HGF: variants seen among roughly 807,000 people sequenced by gnomAD.
HGF encodes the protein fibroblast-derived tumor cytotoxic factor.
A neutral mutation model predicts 111.6 loss-of-function variants in HGF; 39 were observed. That is an observed-to-expected ratio of 0.35 (90% CI 0.27 to 0.46). HGF has a LOEUF of 0.46. HGF is among the 20% of genes least tolerant of loss of function. The pLI is 1.00. For synonymous variants in HGF, 285 were observed against 294.8 expected, an observed-to-expected ratio of 0.97 and a Z score of 0.34; for missense variants, 735 against 910.5, an observed-to-expected ratio of 0.81 and a Z score of 2.48.
intron 3 of HGF, 128 bp downstream of exon 3, chr7:81,758,564 T>A (rs372881499): frequency 1.5e-6 from 1 of 664,196 alleles, no homozygotes; most frequent in Non-Finnish European, 2.7e-6. Context: ...AATGGATGAA[T>A]TGACTACATA....
Position 81,710,179 on chromosome 7 carries a change from T to C in HGF, c.1509A>G (p.Thr503=). The C allele has an allele frequency of 6.2e-7, 1 of 1,613,074 alleles. No homozygotes were observed. The highest frequency in any genetic ancestry group is 8.5e-7 in the Non-Finnish European group (1 of 1,179,092). ...TCAAACTAACCATCCATCCTATGTT[T>C]GTTCGTGTTGGAATCCCATTTACAA... is the stretch of plus-strand genomic sequence containing the variant. ...LRVVNGIPTR[T]NIGWMVSLRY... is the part of the protein sequence containing the mutation. Residue 503 remains threonine, a synonymous_variant, in exon 13 of 18, where the codon ACA becomes ACG. Transcript: ENST00000222390.
intron 11 of HGF, 28 bp downstream of exon 11, chr7:81,717,204 C>G: frequency 1.9e-6 from 3 of 1,607,256 alleles, no homozygotes; most frequent in Non-Finnish European, 1.7e-6. Flanking sequence ...AAATATTTCA[C>G]AAGACACCAA....
intron 7 of HGF, chr7:81,742,608 A>G (rs1788049343): frequency 1.3e-6 from 1 of 750,554 alleles, no homozygotes; most frequent in Non-Finnish European, 1.7e-6. Flanking sequence ...ATTATGTAAT[A>G]TTGTTTAAGA....
intron 1 of HGF, among the ~76,000 whole-genome samples, chr7:81,769,359 T>C (rs1162903975): frequency 6.6e-6 from 1 of 152,214 alleles, no homozygotes; most frequent in Non-Finnish European, 1.5e-5. Flanking sequence ...TTCATTTTTA[T>C]GATATGCAAA....
intron 7 of HGF, among the ~76,000 whole-genome samples, chr7:81,733,899 C>T (rs566453058): frequency 2.6e-5 from 4 of 152,086 alleles, no homozygotes; most frequent in African/African-American, 9.7e-5. Flanking sequence ...CCTCCTGCAG[C>T]CCTGCTGTAT....
rs1554363911 is a variant in HGF at position 81,711,522 on chromosome 7, G to A, written c.1406-3C>T. The A allele has an allele frequency of 1.5e-6, 2 of 1,361,144 alleles. No homozygotes were observed. The highest frequency in any genetic ancestry group is 2.1e-6 in the Non-Finnish European group (2 of 964,270). 84.3% of individuals were successfully genotyped at this position (1,361,144 alleles called of 1,614,324 possible). A position where few individuals can be genotyped will look rare whatever the true frequency, so the allele number is the denominator to read the frequency against. The stretch of plus-strand genomic sequence containing the variant: ...TGTAGGTGTGGTATCACCTTCACCT[G>A]TAAAAATAAATGTATAGATAAATAC... On this transcript the variant is annotated splice_region_variant and splice_polypyrimidine_tract_variant and intron_variant, in intron 11 of 17. Transcript: ENST00000222390.
intron 1 of HGF, among the ~76,000 whole-genome samples, chr7:81,763,685 C>T (rs141118170): frequency 2.6e-5 from 4 of 152,148 alleles, no homozygotes; most frequent in Admixed American, 2.6e-4. Flanking sequence ...TCAATTTGCC[C>T]AAAATAGCCC....
intron 12 of HGF, among the ~76,000 whole-genome samples, chr7:81,711,194 T>C (rs1789561689): frequency 6.6e-6 from 1 of 152,198 alleles, no homozygotes; most frequent in African/African-American, 2.4e-5. Flanking sequence ...ATTATACGCA[T>C]TGTGCCCCAA....
chr7:81,737,003 T>TATCCAC (rs1176209695), intron 7 of HGF, among the ~76,000 whole-genome samples: 116 of 151,836 alleles, frequency 7.6e-4, no homozygotes, highest in African/African-American at 2.4e-3. Context: ...GATATAGATA[T>TATCCAC]TTCATTCTGA....
At chr7:81,742,007 G>A (rs895835224) in intron 7 of HGF, among the ~76,000 whole-genome samples, 1 of 150,938 alleles carries the variant, frequency 6.6e-6, no homozygotes. Flanking sequence ...AATCAGAAGG[G>A]AAACAGTTGG....
At chr7:81,704,514 AAC>A (rs1789370885) in intron 17 of HGF, among the ~76,000 whole-genome samples, 1 of 151,814 alleles carries the variant, frequency 6.6e-6, no homozygotes, top group Admixed American at 6.6e-5. Context: ...ATCTGTTTCT[AAC>A]CATATCATTT....
Position 81,703,411 on chromosome 7 carries a change from C to T in HGF, c.2011-654G>A, listed in dbSNP as rs1032964690. ...ATATAGTTATAGTTATATTTTATAC[C>T]CTCCTTTCTGTAGCGTGTCCTGTGA... is the stretch of plus-strand genomic sequence containing the variant. On this transcript the variant is annotated intron_variant, in intron 17 of 17. Transcript: ENST00000222390. Among the ~76,000 whole-genome samples, 3 of 150,510 alleles carry T rather than the reference C, an allele frequency of 2.0e-5. No individual in the cohort carries two copies. The South Asian group carries it at 6.3e-4, about 32-fold the overall frequency.
In HGF at chr7:81,712,210, C is replaced by T. The variant is rs73712549; in HGVS notation, c.1406-691G>A. Among the ~76,000 whole-genome samples the T allele has an allele frequency of 9.5e-3, 1,439 of 152,164 alleles. 30 individuals are homozygous for T. Among genetic ancestry groups the T allele is most frequent in the African/African-American group, 0.033 (1,377 of 41,526 alleles). ...ACACCATGAACATTCCATTGAATAG[C>T]ACTCGTGTTCATTATTGTCTACTTG... On this transcript the variant is annotated intron_variant, in intron 11 of 17. Coordinates refer to ENST00000222390, the MANE Select transcript of HGF (RefSeq NM_000601.6).
intron 4 of HGF, chr7:81,756,924 G>A (rs1049599563): frequency 4.0e-5 from 21 of 521,692 alleles, no homozygotes; most frequent in Non-Finnish European, 6.5e-5. Context: ...CCTTTTAAAC[G>A]AAGTTTACGT....
At chr7:81,730,504 A>G (rs987042478) in intron 7 of HGF, among the ~76,000 whole-genome samples, 10 of 152,156 alleles carry the variant, frequency 6.6e-5, no homozygotes, top group Admixed American at 2.0e-4. Context: ...CATGTTAAAT[A>G]TATTTTTAGT....
intron 3 of HGF, among the ~76,000 whole-genome samples, chr7:81,757,816 T>C (rs972770599): frequency 2.6e-5 from 4 of 152,024 alleles, no homozygotes; most frequent in African/African-American, 9.7e-5. Flanking sequence ...GACAACCAAA[T>C]TGTAATAACC....
chr7:81,751,865 A>G (rs1788521892), intron 5 of HGF: 9 of 1,314,804 alleles, frequency 6.8e-6, no homozygotes, highest in Non-Finnish European at 6.8e-6. Context: ...CCTCTCTTTC[A>G]CTTTCCCCAG....
chr7:81,702,786 A>G (rs2115743408), intron 17 of HGF, 29 bp from the exon 18 acceptor site: 1 of 1,575,592 alleles, frequency 6.3e-7, no homozygotes, highest in South Asian at 1.1e-5. Context: ...AAAACAAAGT[A>G]TTATTAGGAA....
chr7:81,710,466 A>C (rs1789544396), intron 12 of HGF, among the ~76,000 whole-genome samples: 1 of 152,290 alleles, frequency 6.6e-6, no homozygotes, highest in South Asian at 2.1e-4. Context: ...AAAAACAAAT[A>C]AACTCAAAGC....
Sources: allele counts gnomAD v4.1 joint callset (sites outside exome capture counted in the v4.1 genomes callset), GRCh38; gene constraint gnomAD v4.1.1; transcripts MANE v1.5; gene names NCBI Gene and HGNC (gene_info 2026-07-23, HGNC 2026-07-21).